Variants in ZNF516 observed in about 807,000 individuals in gnomAD.
ZNF516 encodes the protein zinc finger protein 516.
In ZNF516, 19 loss-of-function variants were observed where a neutral mutation model predicts 79.7. The ratio of observed to expected loss-of-function variants is 0.24; its 90% CI spans 0.17 to 0.35. ZNF516 has a LOEUF of 0.35. Among genes scored for constraint, ZNF516 ranks in the 10% least tolerant of loss-of-function variants. The pLI is 1.00. For synonymous variants in ZNF516, 877 were observed against 739.5 expected (o/e 1.19, Z -3.02); for missense variants, 1,678 against 1,679.5 (o/e 1.00, Z 0.02).
Position 76,400,846 on chromosome 18 carries a change from G to T in ZNF516, c.1811-20543C>A, listed in dbSNP as rs141899571. 4.2e-3 allele frequency among the ~76,000 whole-genome samples: 636 copies of T among 152,262 alleles called. 3 individuals are homozygous for T. The highest frequency in any genetic ancestry group is 0.015 in the African/African-American group (608 of 41,532). On this transcript the variant is annotated intron_variant, in intron 3 of 6. Transcript: ENST00000443185. ...TCTGACATTTTACTTAAAAATTTCA[G>T]CAACTCTCCCCAAATCACAACACTA...
At chr18:76,363,842 T>C (rs913863738) in intron 6 of ZNF516, among the ~76,000 whole-genome samples, 4 of 152,320 alleles carry the variant, frequency 2.6e-5, no homozygotes, top group Middle Eastern at 6.8e-3. Flanking sequence ...TAGTTAGCTA[T>C]TGGGTGTTTG....
intron 3 of ZNF516, among the ~76,000 whole-genome samples, chr18:76,381,411 T>TA (rs1337661166): frequency 5.9e-5 from 9 of 152,214 alleles, no homozygotes; most frequent in African/African-American, 1.9e-4. Context: ...TGCAGTCCCT[T>TA]ACAGCCATGT....
At chr18:76,429,955 G>A (rs947202260) in intron 3 of ZNF516, among the ~76,000 whole-genome samples, 8 of 152,106 alleles carry the variant, frequency 5.3e-5, no homozygotes, top group Non-Finnish European at 5.9e-5. Flanking sequence ...CATAGAAACC[G>A]CAGAGACTCT....
chr18:76,362,229 T>C lies in ZNF516; in HGVS notation c.*269A>G, dbSNP rs1271666685. ...TTTATTATAAGAAAATATGGGACTA[T>C]GGACGATGAGCACGTAAATGCGTAT... On this transcript the variant is annotated 3_prime_UTR_variant, in exon 7 of 7. Transcript: ENST00000443185. The C allele has an allele frequency of 2.7e-5, 11 of 400,610 alleles. No homozygotes were observed. Among genetic ancestry groups the C allele is most frequent in the East Asian group, 2.6e-4 (7 of 27,110 alleles). 24.8% of individuals were successfully genotyped at this position (400,610 alleles called of 1,614,324 possible). A position where few individuals can be genotyped will look rare whatever the true frequency, so the allele number is the denominator to read the frequency against.
intron 3 of ZNF516, among the ~76,000 whole-genome samples, chr18:76,404,830 T>C (rs1192689710): frequency 7.3e-6 from 1 of 137,406 alleles, no homozygotes; most frequent in Non-Finnish European, 1.7e-5. Context: ...AGTTTGCATG[T>C]GTATCACTGT....
chr18:76,400,425 A>C (rs942237848), intron 3 of ZNF516, among the ~76,000 whole-genome samples: 4 of 152,236 alleles, frequency 2.6e-5, no homozygotes, highest in African/African-American at 4.8e-5. Context: ...TTTGCTACCT[A>C]AACGCCCAGA....
Position 76,473,355 on chromosome 18 carries a change from CAAAAA to C in ZNF516, c.-271-10219_-271-10215del, listed in dbSNP as rs35092154. On this transcript the variant is annotated intron_variant, in intron 1 of 6. Coordinates refer to ENST00000443185, the MANE Select transcript of ZNF516 (RefSeq NM_014643.4). ...AATTAAATTGACTATTTGCTCTCTG[CAAAAA>C]AAAAAAAAAAAAAAAAAAACACCTA... Among the ~76,000 whole-genome samples, 13 of 87,676 alleles carry C rather than the reference CAAAAA, an allele frequency of 1.5e-4. 1 individual carries two copies. In the South Asian group the frequency reaches 4.2e-3, roughly 28 times the overall value. 57.5% of individuals were successfully genotyped at this position (87,676 alleles called of 152,430 possible). A position where few individuals can be genotyped will look rare whatever the true frequency, so the allele number is the denominator to read the frequency against.
rs1209305129 is a variant in ZNF516 at position 76,380,258 on chromosome 18, G to T, written c.1856C>A (p.Thr619Asn). 2 of 1,613,860 alleles carry T rather than the reference G, an allele frequency of 1.2e-6. No homozygotes were observed. The highest frequency in any genetic ancestry group is 1.7e-6 in the Non-Finnish European group (2 of 1,179,856). The change falls in exon 4 of 7, where the codon ACC becomes AAC. Residue 619 changes from threonine to asparagine, a missense_variant. This residue lies in a region of ZNF516 where 1,294 missense variants were observed against 1,248.3 expected (regional missense o/e 1.04). Transcript: ENST00000443185. ...ACTCTGGTCTCCACTGGAGAGCTCG[G>T]TCGAAGTCACCTCTTCGGAAAAGCA... ...RCCFSEEVTS[T>N]ELSSGDQSHK...
At chr18:76,484,221 C>A (rs557660632) in intron 1 of ZNF516, among the ~76,000 whole-genome samples, 2 of 152,322 alleles carry the variant, frequency 1.3e-5, no homozygotes, top group African/African-American at 4.8e-5. Flanking sequence ...AGCTCTGCAC[C>A]ATTCCTGTGG....
intron 6 of ZNF516, 140 bp from the exon 7 acceptor site, chr18:76,362,697 G>A (rs2074556781): frequency 1.7e-5 from 13 of 750,126 alleles, no homozygotes; most frequent in Admixed American, 2.3e-5. Flanking sequence ...CCAAGTAGGC[G>A]AAGACCCCCT....
intron 3 of ZNF516, among the ~76,000 whole-genome samples, chr18:76,415,844 G>A (rs906095279): frequency 6.6e-6 from 1 of 152,178 alleles, no homozygotes; most frequent in African/African-American, 2.4e-5. Context: ...ATGAGGCCCT[G>A]GGTCCCTTAA....
At chr18:76,441,136 C>A in intron 3 of ZNF516, 109 bp downstream of exon 3, 1 of 1,419,826 alleles carries the variant, frequency 7.0e-7, no homozygotes, top group African/African-American at 1.4e-5. Flanking sequence ...AAAGGGCCAC[C>A]GGGTAAGGGG....
At chr18:76,433,796 G>A (rs747264768) in intron 3 of ZNF516, among the ~76,000 whole-genome samples, 4 of 152,182 alleles carry the variant, frequency 2.6e-5, no homozygotes, top group Admixed American at 6.5e-5. Flanking sequence ...ATACAGGAGG[G>A]CGACAACACA....
At chr18:76,386,071 G>C (rs905082908) in intron 3 of ZNF516, 1 of 152,162 alleles carries the variant, frequency 6.6e-6, no homozygotes, top group African/African-American at 2.4e-5. Context: ...TCTATATTGG[G>C]CTTCGTAAAA....
chr18:76,378,041 C>T (rs1438659826), intron 4 of ZNF516: 3 of 152,210 alleles, frequency 2.0e-5, no homozygotes, highest in Admixed American at 6.5e-5. Context: ...TATCGAAGAA[C>T]GGTTAGGACT....
chr18:76,429,181 T>A (rs1248033497), intron 3 of ZNF516, among the ~76,000 whole-genome samples: 2 of 152,124 alleles, frequency 1.3e-5, no homozygotes, highest in African/African-American at 4.8e-5. Context: ...GCACAGGGCA[T>A]CAGAAAGAGC....
At chr18:76,399,886 G>A (rs2075195149) in intron 3 of ZNF516, among the ~76,000 whole-genome samples, 1 of 152,124 alleles carries the variant, frequency 6.6e-6, no homozygotes, top group Admixed American at 6.5e-5. Context: ...AATCACTTAA[G>A]ATTGTGAGTG....
rs781764706 is a variant in ZNF516, at chr18:76,379,754, C to T, written c.2360G>A (p.Cys787Tyr). 1.7e-5 allele frequency: 27 copies of T among 1,613,844 alleles called. No homozygotes were observed. In the East Asian group the frequency reaches 5.8e-4, roughly 35 times the overall value. The change falls in exon 4 of 7, where the codon TGC becomes TAC. Residue 787 changes from cysteine to tyrosine, a missense_variant. Physicochemically the swap from Cys to Tyr is radical, Grantham distance 194. Transcript: ENST00000443185. ...MHKRIWHRVS[C>Y]NSVAPPWIQP... ...AATCCACGGGGGAGCCACGGAGTTG[C>T]AGCTGACGCGGTGCCAGATGCGTTT...
Position 76,405,717 on chromosome 18 carries a change from C to T in ZNF516, c.1811-25414G>A, listed in dbSNP as rs113353965. Reference sequence around the variant, plus strand: ...CTGCAGTATTTTTACCAAACGCCCCCGGTTGGTGACTCCGCTGACACACGC... The same window carrying T: ...CTGCAGTATTTTTACCAAACGCCCCTGGTTGGTGACTCCGCTGACACACGC... On this transcript the variant is annotated intron_variant, in intron 3 of 6. Transcript: ENST00000443185. 9.2e-3 allele frequency among the ~76,000 whole-genome samples: 1,404 copies of T among 152,138 alleles called. 22 individuals are homozygous for T. The highest frequency in any genetic ancestry group is 0.031 in the African/African-American group (1,299 of 41,494).
Sources: gnomAD v4.1 joint callset for allele counts (sites outside exome capture counted in the v4.1 genomes callset) on GRCh38, gnomAD v4.1.1 for gene constraint, gnomAD v4.1.1 regional missense constraint, MANE v1.5 for transcripts, NCBI Gene and HGNC (gene_info 2026-07-23, HGNC 2026-07-21) for gene names.